DLG2: variants seen among roughly 807,000 people sequenced by gnomAD.
The protein encoded by DLG2 is discs large MAGUK scaffold protein 2.
A neutral mutation model predicts 132.5 loss-of-function variants in DLG2; 45 were observed. The ratio of observed to expected loss-of-function variants is 0.34; its 90% CI spans 0.27 to 0.44. DLG2 has a LOEUF of 0.44. Ranked by LOEUF, DLG2 falls within the 20% of genes least tolerant of loss-of-function variation. The probability of loss-of-function intolerance (pLI) is 1.00; values close to 1 mark genes in which losing one functional copy is unlikely to be tolerated. For synonymous variants in DLG2, 424 were observed against 419.6 expected, an observed-to-expected ratio of 1.01 and a Z score of -0.13; for missense variants, 1,045 against 1,196.9, an observed-to-expected ratio of 0.87 and a Z score of 1.87.
chr11:83,824,949 G>A (rs899503274), intron 17 of DLG2, among the ~76,000 whole-genome samples: 6 of 151,694 alleles, frequency 4.0e-5, no homozygotes, highest in African/African-American at 9.7e-5. Context: ...GAATAAGCAA[G>A]ACTTAAGGAA....
intron 3 of DLG2, among the ~76,000 whole-genome samples, chr11:85,478,563 A>T (rs563739292): frequency 6.6e-6 from 1 of 152,324 alleles, no homozygotes; most frequent in East Asian, 1.9e-4. Context: ...TCAAATCTCA[A>T]TTCTACTACT....
chr11:84,901,181 T>G (rs1307396359), intron 6 of DLG2, among the ~76,000 whole-genome samples: 1 of 152,092 alleles, frequency 6.6e-6, no homozygotes, highest in Non-Finnish European at 1.5e-5. Flanking sequence ...ATAGCCATAA[T>G]ATATATTTCC....
chr11:85,416,109 C>T (rs2089818511), intron 3 of DLG2, among the ~76,000 whole-genome samples: 1 of 152,222 alleles, frequency 6.6e-6, no homozygotes, highest in Non-Finnish European at 1.5e-5. Flanking sequence ...GTTTTCCCAA[C>T]ACCACTTATT....
chr11:84,237,384 A>G (rs4354715), intron 8 of DLG2, among the ~76,000 whole-genome samples: 93,095 of 152,038 alleles, frequency 0.61, 29,816 homozygotes, highest in Middle Eastern at 0.76. Context: ...TACTGATTAT[A>G]ATGCGCTATT....
chr11:83,481,364 A>G (rs140341467), intron 22 of DLG2, among the ~76,000 whole-genome samples: 325 of 151,596 alleles, frequency 2.1e-3, no homozygotes, highest in Non-Finnish European at 3.6e-3. Flanking sequence ...ACTTATTTGT[A>G]TATTACTTTA....
chr11:85,215,456 C>T (rs2082524062), intron 4 of DLG2, among the ~76,000 whole-genome samples: 2 of 152,142 alleles, frequency 1.3e-5, no homozygotes, highest in Non-Finnish European at 2.9e-5. Flanking sequence ...AAATATTCCA[C>T]TTTGACCTAA....
chr11:85,386,886 C>A (rs2086380294), intron 3 of DLG2, among the ~76,000 whole-genome samples: 2 of 150,220 alleles, frequency 1.3e-5, no homozygotes, highest in Admixed American at 1.3e-4. Context: ...TAAAGAATAT[C>A]CTTTCTTTTT....
At chr11:84,187,952 T>C (rs2096314494) in intron 8 of DLG2, among the ~76,000 whole-genome samples, 3 of 152,136 alleles carry the variant, frequency 2.0e-5, no homozygotes, top group Admixed American at 2.0e-4. Context: ...ATGTAACCAC[T>C]ACTGCCTGAA....
intron 10 of DLG2, among the ~76,000 whole-genome samples, chr11:84,062,226 T>C (rs2096602658): frequency 6.6e-6 from 1 of 152,214 alleles, no homozygotes; most frequent in Non-Finnish European, 1.5e-5. Context: ...GCTTTAGGAC[T>C]AGCAGTCAGG....
intron 10 of DLG2, among the ~76,000 whole-genome samples, chr11:84,060,852 A>T (rs546239017): frequency 6.6e-6 from 1 of 152,142 alleles, no homozygotes; most frequent in East Asian, 1.9e-4. Flanking sequence ...CTGCAAGTAT[A>T]GCCTCAGTCC....
At chr11:84,381,937 T>C (rs10792757) in intron 7 of DLG2, among the ~76,000 whole-genome samples, 34,729 of 152,154 alleles carry the variant, frequency 0.23, 5,673 homozygotes, top group African/African-American at 0.46. Context: ...CTTCAGCTTC[T>C]GGAGCATGGG....
chr11:83,590,997 C>T (rs1386563119), intron 19 of DLG2, among the ~76,000 whole-genome samples: 1 of 151,990 alleles, frequency 6.6e-6, no homozygotes, highest in Non-Finnish European at 1.5e-5. Flanking sequence ...TGGCAATAAT[C>T]AATAGTTTAC....
At position 84,229,454 on chromosome 11, in the gene DLG2, A is replaced by G. The variant is rs75290537; in HGVS notation, c.573+21784T>C. ...TGACTAATATTTTAATTAAATCTCA[A>G]TAAGTGGGCAGATTCCCAGAATTGA... On this transcript the variant is annotated intron_variant, in intron 8 of 27. Transcript: ENST00000376104. Among the ~76,000 whole-genome samples, 4 of 152,338 alleles carry G rather than the reference A, an allele frequency of 2.6e-5. No homozygotes were observed. The East Asian group carries it at 7.7e-4, about 29-fold the overall frequency.
intron 18 of DLG2, among the ~76,000 whole-genome samples, chr11:83,664,937 A>AG (rs1486036864): frequency 1.3e-5 from 2 of 152,240 alleles, no homozygotes; most frequent in Non-Finnish European, 2.9e-5. Context: ...CTAGAGTTTG[A>AG]GGACAGAGAC....
At chr11:84,173,908 C>T (rs140470269) in intron 8 of DLG2, among the ~76,000 whole-genome samples, 29 of 151,564 alleles carry the variant, frequency 1.9e-4, no homozygotes, top group African/African-American at 6.5e-4. Context: ...GCTCTGTCCA[C>T]GGCAGTGATG....
At chr11:85,127,382 C>CTT (rs59686091) in intron 5 of DLG2, among the ~76,000 whole-genome samples, 1 of 151,420 alleles carries the variant, frequency 6.6e-6, no homozygotes, top group South Asian at 2.1e-4. Flanking sequence ...GAAAGCCTCC[C>CTT]GATATTTATC....
intron 6 of DLG2, among the ~76,000 whole-genome samples, chr11:84,574,268 A>C (rs1403225921): frequency 5.3e-5 from 8 of 152,068 alleles, no homozygotes; most frequent in African/African-American, 1.9e-4. Flanking sequence ...ACTGTTACAG[A>C]GTTTATATCT....
intron 3 of DLG2, among the ~76,000 whole-genome samples, chr11:85,493,819 G>A (rs1204786410): frequency 6.8e-6 from 1 of 147,268 alleles, no homozygotes; most frequent in African/African-American, 2.5e-5. Flanking sequence ...AGGGAGGAAG[G>A]AAGGGAGGGA....
At chr11:85,395,038 G>T (rs2087173721) in intron 3 of DLG2, among the ~76,000 whole-genome samples, 1 of 152,140 alleles carries the variant, frequency 6.6e-6, no homozygotes, top group East Asian at 1.9e-4. Flanking sequence ...CAAAGACCAT[G>T]CTTCTGTCTG....
Sources: gnomAD v4.1 joint callset for allele counts (sites outside exome capture counted in the v4.1 genomes callset) on GRCh38, gnomAD v4.1.1 for gene constraint, MANE v1.5 for transcripts, NCBI Gene and HGNC (gene_info 2026-07-23, HGNC 2026-07-21) for gene names.